GRIA4: variants seen among roughly 807,000 people sequenced by gnomAD.
The protein encoded by GRIA4 is glutamate ionotropic receptor AMPA type subunit 4.
Under a neutral mutation model 104.0 loss-of-function variants are expected in GRIA4, and 34 were observed. The ratio of observed to expected loss-of-function variants is 0.33; its 90% CI spans 0.25 to 0.44. The LOEUF is 0.44. GRIA4 is among the 20% of genes least tolerant of loss of function. The pLI, the probability that GRIA4 is intolerant of heterozygous loss-of-function variation, is 1.00. For missense variants in GRIA4, 750 were observed against 1,096.5 expected, an observed-to-expected ratio of 0.68 and a Z score of 4.46; for synonymous variants, 386 against 381.9, an observed-to-expected ratio of 1.01 and a Z score of -0.13.
chr11:105,728,823 T>C (rs1318004463), intron 3 of GRIA4, among the ~76,000 whole-genome samples: 2 of 152,038 alleles, frequency 1.3e-5, no homozygotes, highest in Non-Finnish European at 2.9e-5. Flanking sequence ...AGACACAACA[T>C]ACCAAAATCT....
chr11:105,819,125 T>C (rs1943487206), intron 4 of GRIA4, among the ~76,000 whole-genome samples: 1 of 152,140 alleles, frequency 6.6e-6, no homozygotes, highest in Non-Finnish European at 1.5e-5. Flanking sequence ...TGGTGAAACA[T>C]TTATGATTTC....
intron 3 of GRIA4, among the ~76,000 whole-genome samples, chr11:105,725,809 C>T (rs971356343): frequency 6.6e-6 from 1 of 152,156 alleles, no homozygotes; most frequent in African/African-American, 2.4e-5. Flanking sequence ...ACTCCCTCCC[C>T]TAGCCAAGAG....
At chr11:105,795,494 T>C (rs921418778) in intron 4 of GRIA4, among the ~76,000 whole-genome samples, 21 of 152,110 alleles carry the variant, frequency 1.4e-4, no homozygotes, top group African/African-American at 4.8e-4. Context: ...GAATGTGTGA[T>C]GTGGACGTTT....
chr11:105,808,616 CACAG>C (rs1479318921), intron 4 of GRIA4, among the ~76,000 whole-genome samples: 11 of 152,050 alleles, frequency 7.2e-5, no homozygotes, highest in Admixed American at 2.0e-4. Flanking sequence ...AGATCAGATC[CACAG>C]ACAAACAAAT....
chr11:105,954,324 T>C (rs1948530835), intron 14 of GRIA4, among the ~76,000 whole-genome samples: 1 of 152,126 alleles, frequency 6.6e-6, no homozygotes, highest in Middle Eastern at 3.2e-3. Context: ...CAAAATAGAG[T>C]ATATTATTTG....
chr11:105,895,252 C>T lies in GRIA4; in HGVS notation c.727-3017C>T, dbSNP rs914135957. 4.4e-4 allele frequency among the ~76,000 whole-genome samples: 65 copies of T among 148,864 alleles called. 1 individual carries two copies. The highest frequency in any genetic ancestry group is 1.1e-3 in the African/African-American group (43 of 40,386). On this transcript the variant is annotated intron_variant, in intron 6 of 16. Transcript: ENST00000282499. Reference sequence around the variant, plus strand: ...CAATTACAAAAGCTACGAGCTCATGCGTGTGTGTGTGTGTGTGTGTGTGTG... The same window carrying T: ...CAATTACAAAAGCTACGAGCTCATGTGTGTGTGTGTGTGTGTGTGTGTGTG...
chr11:105,970,159 A>G (rs1287765679), intron 14 of GRIA4, among the ~76,000 whole-genome samples: 1 of 152,216 alleles, frequency 6.6e-6, no homozygotes, highest in Non-Finnish European at 1.5e-5. Flanking sequence ...AATCCAAAAA[A>G]CAACATAATA....
At chr11:105,634,354 A>G (rs1951122367) in intron 3 of GRIA4, among the ~76,000 whole-genome samples, 4 of 131,446 alleles carry the variant, frequency 3.0e-5, no homozygotes, top group Admixed American at 7.5e-5. Flanking sequence ...CTCCGTCTCC[A>G]AAAAAAAAAA....
At chr11:105,788,243 AC>A (rs1266626423) in intron 4 of GRIA4, among the ~76,000 whole-genome samples, 2 of 151,744 alleles carry the variant, frequency 1.3e-5, no homozygotes, top group Admixed American at 6.6e-5. Flanking sequence ...ATCAAAAAAA[AC>A]AAAAGATGTT....
At chr11:105,876,659 C>T (rs1195090097) in intron 5 of GRIA4, among the ~76,000 whole-genome samples, 1 of 152,086 alleles carries the variant, frequency 6.6e-6, no homozygotes. Flanking sequence ...ATCCCTTTAC[C>T]ATTATGTGAT....
intron 3 of GRIA4, among the ~76,000 whole-genome samples, chr11:105,750,559 A>C (rs1296989916): frequency 6.6e-6 from 1 of 152,168 alleles, no homozygotes; most frequent in Non-Finnish European, 1.5e-5. Flanking sequence ...AGACGATAAA[A>C]TATCAGAAAA....
At chr11:105,701,208 G>A (rs1953476805) in intron 3 of GRIA4, among the ~76,000 whole-genome samples, 1 of 152,182 alleles carries the variant, frequency 6.6e-6, no homozygotes, top group Non-Finnish European at 1.5e-5. Flanking sequence ...GCCACACAGT[G>A]ATGAAATTGC....
chr11:105,685,733 T>C (rs1191098784), intron 3 of GRIA4, among the ~76,000 whole-genome samples: 2 of 152,020 alleles, frequency 1.3e-5, no homozygotes, highest in Non-Finnish European at 2.9e-5. Context: ...TATATGAAGA[T>C]GGAAAAATGC....
At chr11:105,867,061 C>A (rs1309596855) in intron 5 of GRIA4, among the ~76,000 whole-genome samples, 1 of 152,106 alleles carries the variant, frequency 6.6e-6, no homozygotes, top group Non-Finnish European at 1.5e-5. Context: ...TTGCCACTTT[C>A]ATTATATGAA....
chr11:105,778,145 T>A (rs1334946139), intron 4 of GRIA4, among the ~76,000 whole-genome samples: 3 of 152,226 alleles, frequency 2.0e-5, no homozygotes, highest in African/African-American at 4.8e-5. Context: ...GAAAAAAAAA[T>A]TTAATTAGCT....
chr11:105,709,180 G>C (rs1019687955), intron 3 of GRIA4, among the ~76,000 whole-genome samples: 1 of 151,932 alleles, frequency 6.6e-6, no homozygotes, highest in African/African-American at 2.4e-5. Flanking sequence ...AGTAGCTCTG[G>C]GACACCGTGA....
intron 3 of GRIA4, among the ~76,000 whole-genome samples, chr11:105,617,269 T>C (rs1344377890): frequency 6.6e-6 from 1 of 150,910 alleles, no homozygotes; most frequent in African/African-American, 2.4e-5. Flanking sequence ...TATTTATATA[T>C]CTTTTCATAT....
At chr11:105,806,318 G>A (rs1415529825) in intron 4 of GRIA4, among the ~76,000 whole-genome samples, 1 of 151,816 alleles carries the variant, frequency 6.6e-6, no homozygotes, top group Non-Finnish European at 1.5e-5. Context: ...AACAGAGGAA[G>A]CTGATGGCTA....
At chr11:105,757,318 A>C (rs538444032) in intron 4 of GRIA4, among the ~76,000 whole-genome samples, 4 of 152,270 alleles carry the variant, frequency 2.6e-5, no homozygotes, top group Admixed American at 2.6e-4. Context: ...ACTGTCCCGC[A>C]TTACAGAGTA....
Sources: gnomAD v4.1 joint callset for allele counts (sites outside exome capture counted in the v4.1 genomes callset) on GRCh38, gnomAD v4.1.1 for gene constraint, MANE v1.5 for transcripts, NCBI Gene and HGNC (gene_info 2026-07-23, HGNC 2026-07-21) for gene names.